Variants in NEK10 observed in about 807,000 individuals in gnomAD.
The protein encoded by NEK10 is NIMA related kinase 10.
Under a neutral mutation model 159.8 loss-of-function variants are expected in NEK10, and 122 were observed. The ratio of observed to expected loss-of-function variants is 0.76; its 90% CI spans 0.66 to 0.89. NEK10 has a LOEUF of 0.89. NEK10 is among the 40% of genes least tolerant of loss of function. The pLI, the probability that NEK10 is intolerant of heterozygous loss-of-function variation, is 0.00. For synonymous variants in NEK10, 466 were observed against 457.1 expected (o/e 1.02, Z -0.25); for missense variants, 1,342 against 1,323.1 (o/e 1.01, Z -0.22).
chr3:27,175,099 A>G (rs1407814317), intron 26 of NEK10, among the ~76,000 whole-genome samples: 1 of 152,190 alleles, frequency 6.6e-6, no homozygotes, highest in Non-Finnish European at 1.5e-5. Flanking sequence ...ATAACCCAGT[A>G]GCGGGGGGAA....
At chr3:27,220,939 A>C (rs1484002943) in intron 23 of NEK10, among the ~76,000 whole-genome samples, 1 of 152,246 alleles carries the variant, frequency 6.6e-6, no homozygotes, top group Non-Finnish European at 1.5e-5. Flanking sequence ...TTATTTCAAC[A>C]AATGGTACTG....
intron 12 of NEK10, among the ~76,000 whole-genome samples, chr3:27,302,086 T>C (rs1200026524): frequency 6.6e-6 from 1 of 152,244 alleles, no homozygotes. Flanking sequence ...CACCTTTGTT[T>C]TTGAATTTTC....
intron 23 of NEK10, among the ~76,000 whole-genome samples, chr3:27,218,708 T>C (rs1485816285): frequency 9.7e-6 from 1 of 103,402 alleles, no homozygotes; most frequent in Non-Finnish European, 2.0e-5. Context: ...TCAATCCAGG[T>C]AAAACATCAT....
chr3:27,232,441 A>G lies in NEK10; in HGVS notation c.2090+23855T>C, dbSNP rs150601561. Among the ~76,000 whole-genome samples, 335 of 152,222 alleles carry G rather than the reference A, an allele frequency of 2.2e-3. 2 individuals carry two copies. Among genetic ancestry groups the G allele is most frequent in the Admixed American group, 5.4e-3 (83 of 15,276 alleles). ...ACATGCACAAATGGGAACATATCCC[A>G]TGCTCATGGATAGGAAGAATCAATA... On this transcript the variant is annotated intron_variant, in intron 23 of 35. Coordinates refer to ENST00000691995, the MANE Select transcript of NEK10 (RefSeq NM_001394966.1).
At chr3:27,285,245 T>C (rs1472003746) in intron 20 of NEK10, among the ~76,000 whole-genome samples, 1 of 152,166 alleles carries the variant, frequency 6.6e-6, no homozygotes, top group Non-Finnish European at 1.5e-5. Context: ...TGCCAGGATG[T>C]GGAATGATTG....
Position 27,333,206 on chromosome 3 carries a change from T to C in NEK10, c.363-10945A>G, listed in dbSNP as rs529558179. On this transcript the variant is annotated intron_variant, in intron 5 of 35. Transcript: ENST00000691995. The stretch of plus-strand genomic sequence containing the variant: ...AGGGTGAGTGAGAGACCCTCAGTAG[T>C]CCACATTATCACCATGGACTCCTGC... Among the ~76,000 whole-genome samples the C allele has an allele frequency of 2.0e-4, 31 of 152,094 alleles. No homozygotes were observed. The South Asian group carries it at 3.3e-3, about 16-fold the overall frequency.
chr3:27,331,262 A>AAAAACAAAAAAAC, intron 5 of NEK10, among the ~76,000 whole-genome samples: 1 of 110,082 alleles, frequency 9.1e-6, no homozygotes, highest in Non-Finnish European at 2.0e-5. Context: ...AAAAAAAAAA[A>AAAAACAAAAAAAC]ACACACAAAC....
chr3:27,114,075 G>A (rs60169114), intron 35 of NEK10, among the ~76,000 whole-genome samples: 2,843 of 152,208 alleles, frequency 0.019, 95 homozygotes, highest in African/African-American at 0.065. Context: ...ATACAACCAT[G>A]CAAATGATCA....
intron 28 of NEK10, among the ~76,000 whole-genome samples, chr3:27,172,098 T>C (rs746268452): frequency 1.2e-4 from 18 of 151,844 alleles, no homozygotes; most frequent in Non-Finnish European, 2.2e-4. Context: ...CAGCACTTTG[T>C]GAGGCCGAGG....
chr3:27,346,199 G>T lies in NEK10; in HGVS notation c.150C>A (p.Phe50Leu), dbSNP rs56125830. The change falls in exon 4 of 36, where the codon TTC (phenylalanine) becomes TTA (leucine). Residue 50 changes from phenylalanine to leucine, a missense_variant. Coordinates refer to ENST00000691995, the MANE Select transcript of NEK10 (RefSeq NM_001394966.1). ...TCGTCATGCTATTTTGGGCACTATC[G>T]AAGTTAATGGCTGGAAGCTACAGAA... ...SSKQQLPAIN[F>L]DSAQNSMTKS... The T allele has an allele frequency of 5.8e-4, 943 of 1,613,664 alleles. 3 individuals are homozygous for T. In the African/African-American group the frequency reaches 0.011, roughly 19 times the overall value.
At chr3:27,228,116 A>C (rs769581239) in intron 23 of NEK10, among the ~76,000 whole-genome samples, 2 of 152,024 alleles carry the variant, frequency 1.3e-5, no homozygotes, top group East Asian at 3.8e-4. Flanking sequence ...TCTACATATT[A>C]ATCATTATCT....
chr3:27,129,295 T>C (rs1407898005), intron 32 of NEK10, among the ~76,000 whole-genome samples: 1 of 152,158 alleles, frequency 6.6e-6, no homozygotes, highest in African/African-American at 2.4e-5. Flanking sequence ...AGTCATCCCA[T>C]AATGGCTCCT....
At chr3:27,314,669 T>C (rs1458642413) in intron 6 of NEK10, among the ~76,000 whole-genome samples, 3 of 152,216 alleles carry the variant, frequency 2.0e-5, no homozygotes, top group Non-Finnish European at 4.4e-5. Context: ...AATATTCTCA[T>C]GTTACAGATG....
At chr3:27,221,452 A>G (rs1952091677) in intron 23 of NEK10, among the ~76,000 whole-genome samples, 1 of 152,270 alleles carries the variant, frequency 6.6e-6, no homozygotes, top group South Asian at 2.1e-4. Context: ...GACAGATTAA[A>G]TAATAACTAT....
chr3:27,364,782 G>A (rs1028213502), intron 1 of NEK10, among the ~76,000 whole-genome samples: 4 of 152,156 alleles, frequency 2.6e-5, no homozygotes, highest in African/African-American at 4.8e-5. Flanking sequence ...AAATGTCAAG[G>A]AACTTGGCCA....
chr3:27,236,454 G>C (rs1482152106), intron 23 of NEK10, among the ~76,000 whole-genome samples: 1 of 152,130 alleles, frequency 6.6e-6, no homozygotes, highest in Non-Finnish European at 1.5e-5. Context: ...CTCAGGAATG[G>C]AAAACCAAAT....
At chr3:27,212,367 G>C (rs1200392351) in intron 23 of NEK10, among the ~76,000 whole-genome samples, 2 of 150,750 alleles carry the variant, frequency 1.3e-5, no homozygotes, top group Non-Finnish European at 3.0e-5. Flanking sequence ...GCACAAACTA[G>C]ATCCTAAATC....
At chr3:27,111,919 G>A (rs1351203672) in intron 35 of NEK10, among the ~76,000 whole-genome samples, 1 of 152,126 alleles carries the variant, frequency 6.6e-6, no homozygotes, top group Non-Finnish European at 1.5e-5. Context: ...CCATGCAAAT[G>A]ATCAAAAATA....
chr3:27,297,185 C>G lies in NEK10; in HGVS notation c.1224G>C (p.Val408=), dbSNP rs1008214150. The change falls in exon 14 of 36, where the codon GTG becomes GTC. Residue 408 remains valine, a synonymous_variant. Transcript: ENST00000691995. ...LVLNDTNAHQ[V]VQENGVYTIA... is the part of the protein sequence containing the mutation. ...TGAGAAGGAGTGCTCTCACCTGAAC[C>G]ACCTGGTGGGCATTGGTGTCATTGA... The G allele has an allele frequency of 6.2e-7, 1 of 1,611,500 alleles. No individual in the cohort carries two copies. The highest frequency in any genetic ancestry group is 8.5e-7 in the Non-Finnish European group (1 of 1,177,782).
Sources: allele counts gnomAD v4.1 joint callset (sites outside exome capture counted in the v4.1 genomes callset), GRCh38; gene constraint gnomAD v4.1.1; transcripts MANE v1.5; gene names NCBI Gene and HGNC (gene_info 2026-07-23, HGNC 2026-07-21).